Variants in ANO4 observed in about 807,000 individuals in gnomAD.
ANO4 encodes the protein anoctamin 4.
In ANO4, 69 loss-of-function variants were observed where a neutral mutation model predicts 141.9. The observed-to-expected ratio is 0.49, with a 90% CI of 0.40 to 0.59. ANO4 has a LOEUF of 0.59. Among genes scored for constraint, ANO4 ranks in the 20% least tolerant of loss-of-function variants. The probability of loss-of-function intolerance (pLI) is 0.00; values close to 1 mark genes in which losing one functional copy is unlikely to be tolerated. For synonymous variants in ANO4, 350 were observed against 394.3 expected, an observed-to-expected ratio of 0.89 and a Z score of 1.33; for missense variants, 894 against 1,162.2, an observed-to-expected ratio of 0.77 and a Z score of 3.36.
At chr12:100,730,443 T>C (rs1392743849) in intron 1 of ANO4, among the ~76,000 whole-genome samples, 1 of 152,194 alleles carries the variant, frequency 6.6e-6, no homozygotes, top group Non-Finnish European at 1.5e-5. Flanking sequence ...AACTTAGGTC[T>C]TCTGACTCTC....
At chr12:101,110,900 A>C (rs1277492138) in intron 23 of ANO4, among the ~76,000 whole-genome samples, 1 of 152,162 alleles carries the variant, frequency 6.6e-6, no homozygotes, top group Non-Finnish European at 1.5e-5. Flanking sequence ...GTTCTTTCCT[A>C]AATGTTTGCC....
At chr12:100,784,147 T>G (rs941345496) in intron 3 of ANO4, among the ~76,000 whole-genome samples, 2 of 152,190 alleles carry the variant, frequency 1.3e-5, no homozygotes, top group African/African-American at 4.8e-5. Flanking sequence ...AGATACTTGT[T>G]GAATGCATTA....
intron 2 of ANO4, among the ~76,000 whole-genome samples, chr12:100,914,927 G>A (rs1358988510): frequency 3.9e-5 from 6 of 152,074 alleles, no homozygotes; most frequent in East Asian, 1.9e-4. Flanking sequence ...TGATCCTTCC[G>A]CTTTAGTCTC....
chr12:101,034,725 T>C (rs148768454), intron 9 of ANO4, among the ~76,000 whole-genome samples: 2,994 of 152,116 alleles, frequency 0.02, 56 homozygotes, highest in Non-Finnish European at 0.025. Context: ...CACTCAAAAC[T>C]CAGTGAATCC....
intron 2 of ANO4, among the ~76,000 whole-genome samples, chr12:100,918,769 C>T (rs2041468695): frequency 6.6e-6 from 1 of 151,922 alleles, no homozygotes; most frequent in Non-Finnish European, 1.5e-5. Flanking sequence ...TATACTCTAC[C>T]TTTTATTGTT....
At chr12:100,809,528 G>A (rs1483549242) in intron 1 of ANO4, among the ~76,000 whole-genome samples, 1 of 152,314 alleles carries the variant, frequency 6.6e-6, no homozygotes, top group African/African-American at 2.4e-5. Context: ...GAGACCATTC[G>A]GATGAGTTGC....
chr12:100,917,394 T>G (rs2041395655), intron 2 of ANO4, among the ~76,000 whole-genome samples: 1 of 152,190 alleles, frequency 6.6e-6, no homozygotes, highest in Non-Finnish European at 1.5e-5. Context: ...TGTGTTCTGA[T>G]CCAAAGGCCA....
chr12:101,054,718 T>C (rs964659099), intron 14 of ANO4, among the ~76,000 whole-genome samples: 3 of 152,194 alleles, frequency 2.0e-5, no homozygotes, highest in African/African-American at 7.2e-5. Context: ...GCCAGAATGG[T>C]CTGGATCTTC....
Position 100,915,308 on chromosome 12 carries a change from C to A in ANO4, c.56-6918C>A, listed in dbSNP as rs1405024260. Reference sequence around the variant, plus strand: ...CTCAAGTTTTGAAATATCACTGCTACCTATTCTATAAAAAATGCTGTGTTT... The same window carrying A: ...CTCAAGTTTTGAAATATCACTGCTAACTATTCTATAAAAAATGCTGTGTTT... On this transcript the variant is annotated intron_variant, in intron 2 of 27. Coordinates refer to ENST00000392977, the MANE Select transcript of ANO4 (RefSeq NM_001286615.2). Among the ~76,000 whole-genome samples, 6 of 152,124 alleles carry A rather than the reference C, an allele frequency of 3.9e-5. No individual in the cohort carries two copies. The East Asian group carries it at 1.2e-3, about 29-fold the overall frequency.
intron 23 of ANO4, among the ~76,000 whole-genome samples, chr12:101,111,022 C>G (rs2050643795): frequency 6.6e-6 from 1 of 152,224 alleles, no homozygotes; most frequent in Admixed American, 6.5e-5. Flanking sequence ...TGCCTGAGAT[C>G]AAAGACTGTC....
intron 9 of ANO4, among the ~76,000 whole-genome samples, chr12:101,026,362 T>C (rs1281587989): frequency 6.6e-6 from 1 of 152,148 alleles, no homozygotes; most frequent in African/African-American, 2.4e-5. Context: ...TACAAAACAT[T>C]GCTGAGATAA....
intron 16 of ANO4, among the ~76,000 whole-genome samples, chr12:101,086,155 C>T (rs1054878194): frequency 1.4e-5 from 2 of 145,534 alleles, no homozygotes; most frequent in Non-Finnish European, 3.0e-5. Flanking sequence ...GTAGGTATTA[C>T]AGGCAAAGGA....
At chr12:100,942,338 A>G in intron 4 of ANO4, 39 bp from the exon 5 acceptor site, 2 of 1,585,210 alleles carry the variant, frequency 1.3e-6, no homozygotes, top group Non-Finnish European at 1.7e-6. Context: ...CCTCAATTTG[A>G]TGAATGACTT....
chr12:100,935,468 T>G (rs2042248040), intron 3 of ANO4, among the ~76,000 whole-genome samples: 1 of 152,216 alleles, frequency 6.6e-6, no homozygotes, highest in South Asian at 2.1e-4. Context: ...CTCAGAGTAT[T>G]TGACTCTCTT....
chr12:100,739,925 ACCCT>A lies in ANO4; in HGVS notation c.182_185del (p.Leu61HisfsTer53). On this transcript the variant is annotated frameshift_variant, in exon 3 of 30. Coordinates refer to the ANO4 transcript ENST00000644049. LOFTEE classifies it high-confidence loss of function. ...AAATCCATACGTACAAGGCAGACCA[ACCCT>A]CCCATCAGATCTGCCTCTCTTCGTC... 1 of 702,304 alleles carries A rather than the reference ACCCT, an allele frequency of 1.4e-6. No individual in the cohort carries two copies. The highest frequency in any genetic ancestry group is 2.7e-5 in the East Asian group (1 of 37,254). 43.5% of individuals were successfully genotyped at this position (702,304 alleles called of 1,614,324 possible). A position where few individuals can be genotyped will look rare whatever the true frequency, so the allele number is the denominator to read the frequency against.
At chr12:100,844,332 T>C (rs932876672) in intron 1 of ANO4, among the ~76,000 whole-genome samples, 2 of 152,024 alleles carry the variant, frequency 1.3e-5, no homozygotes, top group African/African-American at 4.8e-5. Flanking sequence ...CCAGTGTGGA[T>C]TGAGAAGCCA....
chr12:100,880,093 T>C (rs1410728252), intron 1 of ANO4, among the ~76,000 whole-genome samples: 2 of 151,972 alleles, frequency 1.3e-5, no homozygotes, highest in East Asian at 1.9e-4. Flanking sequence ...ATTGTAGGGG[T>C]AGTTTAGCAT....
At chr12:100,858,580 CT>C (rs1319411397) in intron 1 of ANO4, among the ~76,000 whole-genome samples, 13 of 152,042 alleles carry the variant, frequency 8.6e-5, no homozygotes, top group Non-Finnish European at 1.6e-4. Flanking sequence ...ATTTCTTTTG[CT>C]TTTTAAAGAT....
At chr12:101,091,009 G>T (rs1471530598) in intron 17 of ANO4, among the ~76,000 whole-genome samples, 1 of 152,196 alleles carries the variant, frequency 6.6e-6, no homozygotes, top group Non-Finnish European at 1.5e-5. Flanking sequence ...GAGCTAGGCT[G>T]CTAGGCATTT....
Sources: allele counts gnomAD v4.1 joint callset (sites outside exome capture counted in the v4.1 genomes callset), GRCh38; gene constraint gnomAD v4.1.1; transcripts MANE v1.5; gene names NCBI Gene and HGNC (gene_info 2026-07-23, HGNC 2026-07-21).